The following NUDT4 variants were observed in gnomAD, a reference collection of about 807,000 sequenced individuals.
The protein encoded by NUDT4 is nudix hydrolase 4.
In NUDT4, 5 loss-of-function variants were observed where a neutral mutation model predicts 23.1. The ratio of observed to expected loss-of-function variants is 0.22; its 90% CI spans 0.11 to 0.46. The LOEUF (loss-of-function observed/expected upper bound fraction) is 0.46, where lower values mean the gene tolerates loss of function less well. Among genes scored for constraint, NUDT4 ranks in the 20% least tolerant of loss-of-function variants. The pLI is 0.99. For synonymous variants in NUDT4, 50 were observed against 79.0 expected (o/e 0.63, Z 1.95); for missense variants, 96 against 211.6 (o/e 0.45, Z 3.39).
intron 1 of NUDT4, among the ~76,000 whole-genome samples, chr12:93,392,900 G>T (rs12811444): frequency 7.5e-6 from 1 of 132,482 alleles, no homozygotes; most frequent in Non-Finnish European, 1.6e-5. Context: ...AGGCTGGTGT[G>T]GAACTCCTGA....
intron 1 of NUDT4, among the ~76,000 whole-genome samples, chr12:93,378,975 T>C (rs1875426941): frequency 6.6e-6 from 1 of 152,206 alleles, no homozygotes; most frequent in Admixed American, 6.5e-5. Context: ...GGCATAATTA[T>C]GCCTCATTTT....
rs1275929952 is a variant in NUDT4, at chr12:93,402,022, T to C, written c.*2643T>C. Reference sequence around the variant, plus strand: ...AAATAAAAAACAGAAAATAAGTAGTTTTTGTGAATTGACTTGCAGACAAAG... The same window carrying C: ...AAATAAAAAACAGAAAATAAGTAGTCTTTGTGAATTGACTTGCAGACAAAG... On this transcript the variant is annotated 3_prime_UTR_variant, in exon 5 of 5. Transcript: ENST00000415493. 255 of 141,580 alleles carry C rather than the reference T, an allele frequency of 1.8e-3. No individual in the cohort carries two copies. The Admixed American group carries it at 0.018, about 10-fold the overall frequency. The allele number at this position is 141,580 out of a possible 1,614,324, so 8.8% of individuals were successfully genotyped here.
At chr12:93,396,238 A>C (rs1394757912) in intron 3 of NUDT4, among the ~76,000 whole-genome samples, 1 of 152,172 alleles carries the variant, frequency 6.6e-6, no homozygotes, top group Non-Finnish European at 1.5e-5. Flanking sequence ...TGATACACCT[A>C]GTGACTTAAA....
rs750863563 is a variant in NUDT4 at position 93,398,722 on chromosome 12, A to G, written c.256-49A>G. 2.7e-5 allele frequency: 35 copies of G among 1,318,902 alleles called. No individual in the cohort carries two copies. In the Admixed American group the frequency reaches 5.0e-4, roughly 19 times the overall value. 81.7% of individuals were successfully genotyped at this position (1,318,902 alleles called of 1,614,324 possible). A position where few individuals can be genotyped will look rare whatever the true frequency, so the allele number is the denominator to read the frequency against. ...TTTTTTTCCCTTGGAAAATGTGTCC[A>G]TGGCTAGCTCCTGTAGATTAAAATG... On this transcript the variant is annotated intron_variant, in intron 3 of 4. Transcript: ENST00000415493.
At chr12:93,388,582 A>G (rs1157496396) in intron 1 of NUDT4, among the ~76,000 whole-genome samples, 1 of 152,238 alleles carries the variant, frequency 6.6e-6, no homozygotes. Flanking sequence ...GAGGCTGAAG[A>G]TTGTAAAGAC....
intron 1 of NUDT4, among the ~76,000 whole-genome samples, chr12:93,389,685 G>A (rs545112536): frequency 6.6e-5 from 10 of 151,798 alleles, no homozygotes; most frequent in African/African-American, 2.2e-4. Context: ...GGTGGATCAC[G>A]AGGTCAGGAG....
At position 93,388,158 on chromosome 12, in the gene NUDT4, C is replaced by T. The variant is rs143289137; in HGVS notation, c.100-6451C>T. Reference sequence around the variant, plus strand: ...ACAGATATTAAGTACCCATTTAAAGCGATCATTTTATGGAAAGATAATTTG... The same window carrying T: ...ACAGATATTAAGTACCCATTTAAAGTGATCATTTTATGGAAAGATAATTTG... On this transcript the variant is annotated intron_variant, in intron 1 of 4. Transcript: ENST00000415493. 6.0e-3 allele frequency among the ~76,000 whole-genome samples: 909 copies of T among 152,310 alleles called. 9 individuals are homozygous for T. The highest frequency in any genetic ancestry group is 0.012 in the Admixed American group (189 of 15,294).
In NUDT4 at chr12:93,403,495, A is replaced by AT. The variant is rs569324267; in HGVS notation, c.*4121dup. 6.6e-6 allele frequency: 1 copy of AT among 151,400 alleles called. No homozygotes were observed. Among genetic ancestry groups the AT allele is most frequent in the South Asian group, 2.1e-4 (1 of 4,784 alleles). The allele number at this position is 151,400 out of a possible 1,614,324, so 9.4% of individuals were successfully genotyped here. On this transcript the variant is annotated 3_prime_UTR_variant, in exon 5 of 5. Transcript: ENST00000415493. Reference sequence around the variant, plus strand: ...CACCACGCCCGGCTAATTTTTTTGTATTTTTAGTAGAGACGGGGTTTCACC... The same window carrying AT: ...CACCACGCCCGGCTAATTTTTTTGTATTTTTTAGTAGAGACGGGGTTTCACC...
At chr12:93,385,970 T>TATATATATATAC (rs1243696865) in intron 1 of NUDT4, among the ~76,000 whole-genome samples, 2,169 of 118,270 alleles carry the variant, frequency 0.018, 47 homozygotes, top group Middle Eastern at 0.037. Context: ...TATATATATA[T>TATATATATATAC]ACATAATTTT....
intron 1 of NUDT4, among the ~76,000 whole-genome samples, chr12:93,385,939 TTTTATATATATATA>T (rs368172705): frequency 5.4e-5 from 3 of 55,168 alleles, no homozygotes; most frequent in Non-Finnish European, 1.0e-4. Flanking sequence ...TAGTAAATCT[TTTTATATATATATA>T]TATATATATA....
Position 93,405,347 on chromosome 12 carries a change from G to A in NUDT4, c.*5968G>A, listed in dbSNP as rs1877746336. ...AGTCTTTAAAAATAAAACTGAGAAAGAAAAATCATGTGATCAATTCAGTAG... is the reference window on the plus strand; with the variant it reads ...AGTCTTTAAAAATAAAACTGAGAAAAAAAAATCATGTGATCAATTCAGTAG... On this transcript the variant is annotated 3_prime_UTR_variant, in exon 5 of 5. Transcript: ENST00000415493. 1 of 152,142 alleles carries A rather than the reference G, an allele frequency of 6.6e-6. No homozygotes were observed. Among genetic ancestry groups the A allele is most frequent in the Non-Finnish European group, 1.5e-5 (1 of 68,000 alleles). The allele number at this position is 152,142 out of a possible 1,614,324, so 9.4% of individuals were successfully genotyped here.
chr12:93,377,996 C>A lies in NUDT4; in HGVS notation c.-327C>A, dbSNP rs1875307210. 4.2e-6 allele frequency: 1 copy of A among 239,556 alleles called. No individual in the cohort carries two copies. Among genetic ancestry groups the A allele is most frequent in the African/African-American group, 2.3e-5 (1 of 42,728 alleles). 14.8% of individuals were successfully genotyped at this position (239,556 alleles called of 1,614,324 possible). A position where few individuals can be genotyped will look rare whatever the true frequency, so the allele number is the denominator to read the frequency against. On this transcript the variant is annotated 5_prime_UTR_variant, in exon 1 of 5. Coordinates refer to ENST00000415493, the MANE Select transcript of NUDT4 (RefSeq NM_019094.6). ...TCTCCGCGTGGCGCGCGCCTCTAGCCGCCCTTCCCCTGGCGGCTACGGCCG... is the reference window on the plus strand; with the variant it reads ...TCTCCGCGTGGCGCGCGCCTCTAGCAGCCCTTCCCCTGGCGGCTACGGCCG...
Position 93,404,370 on chromosome 12 carries a change from C to T in NUDT4, c.*4991C>T, listed in dbSNP as rs993312203. 2.6e-5 allele frequency: 4 copies of T among 152,140 alleles called. No individual in the cohort carries two copies. The highest frequency in any genetic ancestry group is 2.1e-4 in the South Asian group (1 of 4,832). The allele number at this position is 152,140 out of a possible 1,614,324, so 9.4% of individuals were successfully genotyped here. On this transcript the variant is annotated 3_prime_UTR_variant, in exon 5 of 5. Transcript: ENST00000415493. ...TTACAGTCATTAGAAATGACATTTG[C>T]GTAAGGATCTGAGTGGAAACTGATA...
At chr12:93,378,727 C>T (rs564771894) in intron 1 of NUDT4, 11 of 1,083,560 alleles carry the variant, frequency 1.0e-5, no homozygotes, top group African/African-American at 4.9e-5. Context: ...ACCATCTTAA[C>T]GTGCGAATTG....
intron 1 of NUDT4, among the ~76,000 whole-genome samples, chr12:93,392,680 T>C (rs1487136908): frequency 1.1e-3 from 123 of 110,738 alleles, no homozygotes; most frequent in African/African-American, 4.2e-3. Context: ...TTTTTTTTTT[T>C]TTTTCCCCCG....
intron 1 of NUDT4, among the ~76,000 whole-genome samples, chr12:93,393,090 CTTTTTTT>C (rs143810374): frequency 1.7e-5 from 2 of 114,876 alleles, no homozygotes; most frequent in Admixed American, 1.8e-4. Flanking sequence ...AGATTTCAGT[CTTTTTTT>C]TTTTTTTTTT....
intron 1 of NUDT4, among the ~76,000 whole-genome samples, chr12:93,380,037 G>A (rs1875547007): frequency 6.6e-6 from 1 of 152,224 alleles, no homozygotes; most frequent in Admixed American, 6.5e-5. Flanking sequence ...CCATTTTATA[G>A]GTGAGGAGAC....
intron 1 of NUDT4, 38 bp downstream of exon 1, chr12:93,378,459 C>T (rs1324428788): frequency 2.0e-6 from 3 of 1,518,574 alleles, no homozygotes; most frequent in Non-Finnish European, 2.7e-6. Flanking sequence ...CTCCGGGGCG[C>T]CGGGGTCTAG....
chr12:93,387,299 T>C (rs1350325728), intron 1 of NUDT4, among the ~76,000 whole-genome samples: 1 of 152,180 alleles, frequency 6.6e-6, no homozygotes, highest in African/African-American at 2.4e-5. Context: ...AGTAGTTCCA[T>C]AAAAATGTAG....
Sources: allele counts gnomAD v4.1 joint callset (sites outside exome capture counted in the v4.1 genomes callset), GRCh38; gene constraint gnomAD v4.1.1; transcripts MANE v1.5; gene names NCBI Gene and HGNC (gene_info 2026-07-23, HGNC 2026-07-21).